The following CR1L variants were observed in gnomAD, a reference collection of about 807,000 sequenced individuals.
The protein encoded by CR1L is complement component receptor 1-like protein.
Under a neutral mutation model 62.3 loss-of-function variants are expected in CR1L, and 59 were observed. The observed-to-expected ratio is 0.95, with a 90% CI of 0.77 to 1.18. CR1L has a LOEUF of 1.18. Ranked by LOEUF, CR1L falls within the 50% of genes most tolerant of loss-of-function variation. The probability of loss-of-function intolerance (pLI) is 0.00; values close to 1 mark genes in which losing one functional copy is unlikely to be tolerated. For synonymous variants in CR1L, 279 were observed against 248.7 expected (o/e 1.12, Z -1.15); for missense variants, 700 against 702.8 (o/e 1.00, Z 0.04).
intron 4 of CR1L, among the ~76,000 whole-genome samples, 167 bp from the exon 5 acceptor site, chr1:207,694,186 G>T (rs1664035140): frequency 6.6e-6 from 1 of 152,102 alleles, no homozygotes; most frequent in South Asian, 2.1e-4. Flanking sequence ...AGTAAGAAAG[G>T]CAGGACACAT....
At position 207,697,682 on chromosome 1, in the gene CR1L, G is replaced by GA. The variant is rs748686205; in HGVS notation, c.1039+4dup. ...CCCTGCAGCCCCCAGATGTGAAGGT[G>GA]ACTAGACTCTTATCTGGCTTGGTAT... On this transcript the variant is annotated splice_donor_region_variant and intron_variant, in intron 6 of 11. Transcript: ENST00000508064. 2 of 1,614,010 alleles carry GA rather than the reference G, an allele frequency of 1.2e-6. No homozygotes were observed.
At chr1:207,655,153 G>C in intron 1 of CR1L, 1 of 490,524 alleles carries the variant, frequency 2.0e-6, no homozygotes, top group Non-Finnish European at 3.8e-6. Flanking sequence ...CTTATTAATT[G>C]CTATACAAAA....
intron 4 of CR1L, among the ~76,000 whole-genome samples, chr1:207,693,258 C>T (rs1281376983): frequency 5.3e-5 from 8 of 152,178 alleles, no homozygotes; most frequent in Non-Finnish European, 1.0e-4. Context: ...GCTGGGATTA[C>T]AGGCCTGTGC....
intron 1 of CR1L, chr1:207,669,495 C>G (rs1166954801): frequency 1.9e-6 from 3 of 1,581,828 alleles, no homozygotes; most frequent in South Asian, 1.1e-5. Context: ...AGCCGGCGCC[C>G]GGTCTCCCCT....
chr1:207,684,492 T>C (rs1293520184), intron 4 of CR1L, among the ~76,000 whole-genome samples: 1 of 152,212 alleles, frequency 6.6e-6, no homozygotes, highest in African/African-American at 2.4e-5. Flanking sequence ...TGCAGCATTA[T>C]TTATATTAGT....
intron 1 of CR1L, among the ~76,000 whole-genome samples, chr1:207,649,188 A>C (rs1663183476): frequency 6.6e-6 from 1 of 152,192 alleles, no homozygotes; most frequent in African/African-American, 2.4e-5. Flanking sequence ...AGAAGACAAG[A>C]GCTGAGCAGG....
At chr1:207,645,391 G>C (rs1398369691) in intron 1 of CR1L, 61 bp downstream of exon 1, 1 of 1,573,240 alleles carries the variant, frequency 6.4e-7, no homozygotes, top group African/African-American at 1.4e-5. Context: ...TCAGTCAGTC[G>C]GGCAGGAGGC....
intron 11 of CR1L, among the ~76,000 whole-genome samples, chr1:207,722,905 A>T (rs1654170325): frequency 6.6e-6 from 1 of 152,232 alleles, no homozygotes; most frequent in South Asian, 2.1e-4. Context: ...TGAGAAAGAA[A>T]ACTAGAAATA....
Position 207,717,614 on chromosome 1 carries a change from T to A in CR1L, c.1565T>A (p.Ile522Asn). The A allele has an allele frequency of 1.2e-6, 2 of 1,613,982 alleles. No homozygotes were observed. Among genetic ancestry groups the A allele is most frequent in the Non-Finnish European group, 1.7e-6 (2 of 1,179,878 alleles). ...TTCAACCTCATTGGGGAGAGCACCATCCGCCGCACAAGTGAACCTCATGGG... is the reference window on the plus strand; with the variant it reads ...TTCAACCTCATTGGGGAGAGCACCAACCGCCGCACAAGTGAACCTCATGGG... ...MTFNLIGEST[I>N]RRTSEPHGNG... is the part of the protein sequence containing the mutation. Residue 522 changes from isoleucine (I) to asparagine (N), a missense_variant, in exon 11 of 12, where the codon ATC (isoleucine) becomes AAC (asparagine). By Grantham distance (149) the Ile-to-Asn change is moderately radical. Coordinates refer to ENST00000508064, the MANE Select transcript of CR1L (RefSeq NM_175710.2).
At chr1:207,706,305 C>G (rs1355303617) in intron 9 of CR1L, among the ~76,000 whole-genome samples, 1 of 151,644 alleles carries the variant, frequency 6.6e-6, no homozygotes, top group Non-Finnish European at 1.5e-5. Flanking sequence ...CCTGTAGTCA[C>G]AGCTACACAG....
At chr1:207,659,754 G>T (rs1663377651) in intron 1 of CR1L, among the ~76,000 whole-genome samples, 1 of 152,180 alleles carries the variant, frequency 6.6e-6, no homozygotes, top group South Asian at 2.1e-4. Flanking sequence ...TCCTAGCCAG[G>T]GAAAGCTGTG....
rs572885803 is a variant in CR1L at position 207,664,804 on chromosome 1, A to AT, written c.98-12579dup. On this transcript the variant is annotated intron_variant, in intron 1 of 11. Transcript: ENST00000508064. Reference sequence around the variant, plus strand: ...AAAATTCCTCATGGGATTGTCAGTCATTTTTTGTCATCAGTAAGAGGAAGA... The same window carrying AT: ...AAAATTCCTCATGGGATTGTCAGTCATTTTTTTGTCATCAGTAAGAGGAAGA... Among the ~76,000 whole-genome samples the AT allele has an allele frequency of 4.8e-4, 73 of 152,324 alleles. 2 individuals carry two copies. The South Asian group carries it at 8.9e-3, about 19-fold the overall frequency.
chr1:207,689,097 C>T (rs534449723), intron 4 of CR1L, among the ~76,000 whole-genome samples: 2 of 152,170 alleles, frequency 1.3e-5, no homozygotes, highest in Non-Finnish European at 2.9e-5. Flanking sequence ...TATCACAAAT[C>T]ATGATGTATG....
intron 10 of CR1L, among the ~76,000 whole-genome samples, chr1:207,716,003 A>C (rs1180220708): frequency 6.6e-6 from 1 of 152,076 alleles, no homozygotes; most frequent in East Asian, 1.9e-4. Context: ...CCAAATTCTT[A>C]TGTTCTTTTA....
At chr1:207,661,833 C>A (rs1169755551) in intron 1 of CR1L, among the ~76,000 whole-genome samples, 8 of 152,160 alleles carry the variant, frequency 5.3e-5, no homozygotes, top group Non-Finnish European at 1.2e-4. Context: ...TGTTTTAGGG[C>A]AGGCCTGGTG....
chr1:207,698,718 G>A (rs903791144), intron 7 of CR1L, among the ~76,000 whole-genome samples: 1 of 152,098 alleles, frequency 6.6e-6, no homozygotes, highest in African/African-American at 2.4e-5. Context: ...AGCCCAAATT[G>A]CCCTTTTGAG....
At chr1:207,705,912 C>A (rs1473105721) in intron 9 of CR1L, among the ~76,000 whole-genome samples, 13 of 151,556 alleles carry the variant, frequency 8.6e-5, no homozygotes, top group Admixed American at 2.6e-4. Context: ...ACAAATAATT[C>A]TGTGAAACTA....
chr1:207,662,219 C>G (rs1663435719), intron 1 of CR1L, among the ~76,000 whole-genome samples: 1 of 152,182 alleles, frequency 6.6e-6, no homozygotes, highest in Non-Finnish European at 1.5e-5. Context: ...GGAAGTTCTC[C>G]TGGATAATAT....
In CR1L at chr1:207,667,078, C is replaced by T. The variant is rs1017052751; in HGVS notation, c.98-10311C>T. Among the ~76,000 whole-genome samples, 3 of 152,296 alleles carry T rather than the reference C, an allele frequency of 2.0e-5. 1 individual carries two copies. The highest frequency in any genetic ancestry group is 4.4e-5 in the Non-Finnish European group (3 of 68,026). ...AATCTTTTCCTAAACATTCTCACACCTCCTGGCCTTCACTAAACCCCATCT... is the reference window on the plus strand; with the variant it reads ...AATCTTTTCCTAAACATTCTCACACTTCCTGGCCTTCACTAAACCCCATCT... On this transcript the variant is annotated intron_variant, in intron 1 of 11. Transcript: ENST00000508064.
Sources: allele counts gnomAD v4.1 joint callset (sites outside exome capture counted in the v4.1 genomes callset), GRCh38; gene constraint gnomAD v4.1.1; transcripts MANE v1.5; gene names NCBI Gene and HGNC (gene_info 2026-07-23, HGNC 2026-07-21).